Variants in FSAF1 observed in about 807,000 individuals in gnomAD.
FSAF1 encodes the protein 40S small subunit processome assembly factor 1, also known as uncharacterized protein C1orf131.
At chr1:231,229,154 T>C in the FSAF1 span, 4 of 1,559,460 alleles carry the variant, frequency 2.6e-6, no homozygotes, top group Non-Finnish European at 3.5e-6. Context: ...ACATACTTTT[T>C]CTAGGTTAAA....
the FSAF1 span, chr1:231,238,671 G>A: frequency 1.9e-6 from 1 of 535,058 alleles, no homozygotes; most frequent in African/African-American, 1.9e-5. Context: ...GAATAACTAA[G>A]GTCAGTCTGT....
chr1:231,227,585 GTTT>G, the FSAF1 span, among the ~76,000 whole-genome samples: 168 of 102,102 alleles, frequency 1.6e-3, 2 homozygotes, highest in African/African-American at 6.3e-3. Context: ...CTCGCCCACG[GTTT>G]TTTTTTTTTT....
the FSAF1 span, among the ~76,000 whole-genome samples, chr1:231,232,073 A>G: frequency 6.6e-6 from 1 of 152,226 alleles, no homozygotes; most frequent in East Asian, 1.9e-4. Context: ...TCATTATTTC[A>G]TAGCTGCTGA....
chr1:231,227,585 G>GTTTT, the FSAF1 span, among the ~76,000 whole-genome samples: 226 of 102,074 alleles, frequency 2.2e-3, 6 homozygotes, highest in Non-Finnish European at 2.7e-3. Flanking sequence ...CTCGCCCACG[G>GTTTT]TTTTTTTTTT....
chr1:231,240,478 T>C, the FSAF1 span, among the ~76,000 whole-genome samples: 1 of 152,010 alleles, frequency 6.6e-6, no homozygotes. The surrounding 1 kb of genome is among the most constrained non-coding windows in gnomAD (Gnocchi z 4.1). Context: ...GGCTCTTTTA[T>C]TTTCCTTTTC....
chr1:231,226,624 C>A, the FSAF1 span: 1 of 928,250 alleles, frequency 1.1e-6, no homozygotes, highest in Admixed American at 2.0e-5. Context: ...AGCATGGGAT[C>A]CTTTAACTCT....
chr1:231,237,770 G>A, the FSAF1 span: 97 of 152,308 alleles, frequency 6.4e-4, 1 homozygote, highest in African/African-American at 2.3e-3. Context: ...AAACTAATAC[G>A]TTCAATCCTC....
At chr1:231,224,274 G>C in the FSAF1 span, 3 of 1,607,270 alleles carry the variant, frequency 1.9e-6, no homozygotes, top group South Asian at 3.3e-5. Flanking sequence ...ATTTGACAAA[G>C]TACTTCATTT....
the FSAF1 span, chr1:231,225,523 C>A: frequency 8.1e-6 from 13 of 1,612,424 alleles, no homozygotes; most frequent in Non-Finnish European, 1.1e-5. Context: ...GTTTCTTGGG[C>A]CTGATTTCAG....
the FSAF1 span, among the ~76,000 whole-genome samples, chr1:231,232,880 A>G: frequency 1.3e-5 from 2 of 152,194 alleles, no homozygotes; most frequent in African/African-American, 2.4e-5. Context: ...CCTGTCTCCA[A>G]TTAGAGAGAG....
At chr1:231,236,054 C>T in the FSAF1 span, among the ~76,000 whole-genome samples, 1 of 152,180 alleles carries the variant, frequency 6.6e-6, no homozygotes, top group Non-Finnish European at 1.5e-5. Context: ...CATTACCCAT[C>T]ATATATTTTT....
At chr1:231,233,208 G>A in the FSAF1 span, among the ~76,000 whole-genome samples, 3 of 152,304 alleles carry the variant, frequency 2.0e-5, no homozygotes, top group Admixed American at 6.5e-5. Flanking sequence ...GTCTGGCGAT[G>A]GCTCAGAGTC....
the FSAF1 span, among the ~76,000 whole-genome samples, chr1:231,236,528 T>C: frequency 2.6e-5 from 4 of 152,080 alleles, no homozygotes; most frequent in Admixed American, 6.6e-5. Context: ...AAAAGACAAT[T>C]TGACAGACTG....
the FSAF1 span, chr1:231,241,004 T>G: frequency 6.2e-7 from 1 of 1,604,520 alleles, no homozygotes; most frequent in Non-Finnish European, 8.5e-7. Flanking sequence ...CCACGTGGGC[T>G]CCTGGGACCC....
chr1:231,239,317 A>G, the FSAF1 span: 14 of 738,484 alleles, frequency 1.9e-5, no homozygotes, highest in East Asian at 3.7e-4. Context: ...AAAGAAATAA[A>G]CTATTTGTTT....
At chr1:231,239,005 G>T in the FSAF1 span, 1 of 1,614,014 alleles carries the variant, frequency 6.2e-7, no homozygotes, top group Admixed American at 1.7e-5. Flanking sequence ...CCCAGAAGGA[G>T]CACAATGCCG....
chr1:231,226,605 G>T, the FSAF1 span: 1 of 816,052 alleles, frequency 1.2e-6, no homozygotes, highest in Non-Finnish European at 2.1e-6. Context: ...CTAACTCGAA[G>T]AAATGGGGAG....
At chr1:231,231,186 C>T in the FSAF1 span, among the ~76,000 whole-genome samples, 1 of 152,222 alleles carries the variant, frequency 6.6e-6, no homozygotes, top group African/African-American at 2.4e-5. Flanking sequence ...AGACCACAGG[C>T]ATAGCACGGA....
chr1:231,229,256 T>C, the FSAF1 span: 4 of 1,291,284 alleles, frequency 3.1e-6, no homozygotes, highest in African/African-American at 4.4e-5. Context: ...TATATCATTA[T>C]AGTATCTATC....
Sources: gnomAD v4.1 joint callset for allele counts (sites outside exome capture counted in the v4.1 genomes callset) on GRCh38, gnomAD v4.1.1 for gene constraint, Gnocchi (gnomAD v3.1) non-coding constraint, MANE v1.5 for transcripts, NCBI Gene and HGNC (gene_info 2026-07-23, HGNC 2026-07-21) for gene names.